SPOCK1: variants seen among roughly 807,000 people sequenced by gnomAD.
SPOCK1 encodes the protein testican-1.
In SPOCK1, 23 loss-of-function variants were observed where a neutral mutation model predicts 55.3. The observed-to-expected ratio is 0.42, with a 90% confidence interval of 0.30 to 0.59. The LOEUF is 0.59. Ranked by LOEUF, SPOCK1 falls within the 20% of genes least tolerant of loss-of-function variation. SPOCK1 has a pLI of 0.22. For synonymous variants in SPOCK1, 226 were observed against 221.0 expected, an observed-to-expected ratio of 1.02 and a Z score of -0.20; for missense variants, 499 against 552.5, an observed-to-expected ratio of 0.90 and a Z score of 0.97.
chr5:137,150,171 A>G lies in SPOCK1; in HGVS notation c.233-9477T>C, dbSNP rs143540718. ...CCAATCTCAAAATGGTAAACTCTAT[A>G]AGAAGAAACATTAAAGCTTTTCAAC... On this transcript the variant is annotated intron_variant, in intron 3 of 10. Coordinates refer to ENST00000394945, the MANE Select transcript of SPOCK1 (RefSeq NM_004598.4). Among the ~76,000 whole-genome samples the G allele has an allele frequency of 7.2e-5, 11 of 152,290 alleles. No individual in the cohort carries two copies. The East Asian group carries it at 1.9e-3, about 27-fold the overall frequency.
intron 2 of SPOCK1, among the ~76,000 whole-genome samples, chr5:137,418,980 A>T (rs2149824796): frequency 6.6e-6 from 1 of 152,280 alleles, no homozygotes. Flanking sequence ...TTTTTGTATA[A>T]GGTGTAAGGA....
At chr5:137,171,439 G>A (rs1384699276) in intron 3 of SPOCK1, among the ~76,000 whole-genome samples, 4 of 152,062 alleles carry the variant, frequency 2.6e-5, no homozygotes, top group East Asian at 1.9e-4. Flanking sequence ...ACTGAGAAGC[G>A]ACCTTCTTGA....
chr5:137,373,517 C>A (rs1431635626), intron 2 of SPOCK1, among the ~76,000 whole-genome samples: 1 of 152,226 alleles, frequency 6.6e-6, no homozygotes. Flanking sequence ...CCTGCAGAAT[C>A]CTGGTGAAGG....
intron 2 of SPOCK1, among the ~76,000 whole-genome samples, chr5:137,311,952 T>C (rs1053085221): frequency 5.9e-5 from 9 of 152,228 alleles, no homozygotes; most frequent in Non-Finnish European, 1.3e-4. Context: ...CCTAATTTAC[T>C]TAGCTCGCCT....
At chr5:137,383,174 A>C (rs1328017144) in intron 2 of SPOCK1, among the ~76,000 whole-genome samples, 2 of 152,146 alleles carry the variant, frequency 1.3e-5, no homozygotes, top group African/African-American at 4.8e-5. Flanking sequence ...TTTCCTACCT[A>C]TAAAATGGAG....
chr5:137,150,796 G>A (rs1010691271), intron 3 of SPOCK1, among the ~76,000 whole-genome samples: 2 of 152,078 alleles, frequency 1.3e-5, no homozygotes, highest in Admixed American at 6.6e-5. Context: ...AAGTCTGTAG[G>A]GAAAGCCTAC....
intron 4 of SPOCK1, among the ~76,000 whole-genome samples, chr5:137,117,824 C>G (rs1043811212): frequency 2.0e-5 from 3 of 152,150 alleles, no homozygotes; most frequent in African/African-American, 4.8e-5. Context: ...TTCCCATACT[C>G]TAGAAGTCAG....
At chr5:137,281,572 T>C (rs779933409) in intron 2 of SPOCK1, among the ~76,000 whole-genome samples, 3 of 152,246 alleles carry the variant, frequency 2.0e-5, no homozygotes, top group Admixed American at 6.5e-5. Context: ...CACCAACACA[T>C]AGCCCATGGC....
intron 2 of SPOCK1, among the ~76,000 whole-genome samples, chr5:137,365,673 C>T (rs919983135): frequency 1.3e-5 from 2 of 152,112 alleles, no homozygotes; most frequent in African/African-American, 4.8e-5. Flanking sequence ...TTAATCATTC[C>T]ACTCTCGTAA....
chr5:137,189,347 G>A (rs913063700), intron 3 of SPOCK1, among the ~76,000 whole-genome samples: 1 of 152,184 alleles, frequency 6.6e-6, no homozygotes, highest in Non-Finnish European at 1.5e-5. Context: ...CTCTCATTAG[G>A]AGCCAATGCA....
chr5:137,247,287 C>A (rs949707793), intron 3 of SPOCK1, among the ~76,000 whole-genome samples: 2 of 152,042 alleles, frequency 1.3e-5, no homozygotes, highest in East Asian at 3.9e-4. Flanking sequence ...AGTTCTTGCA[C>A]CGAGAGCTGG....
At chr5:137,204,999 TAAG>T (rs1755494093) in intron 3 of SPOCK1, among the ~76,000 whole-genome samples, 1 of 152,218 alleles carries the variant, frequency 6.6e-6, no homozygotes, top group African/African-American at 2.4e-5. Flanking sequence ...GATTTTCTCC[TAAG>T]AAGTGATAAT....
chr5:137,399,545 T>C (rs1412793008), intron 2 of SPOCK1, among the ~76,000 whole-genome samples: 1 of 151,826 alleles, frequency 6.6e-6, no homozygotes, highest in Non-Finnish European at 1.5e-5. Context: ...CCTGTGACTT[T>C]GTCTCCATCA....
intron 2 of SPOCK1, among the ~76,000 whole-genome samples, chr5:137,362,903 G>T (rs1389981681): frequency 2.0e-5 from 3 of 152,136 alleles, no homozygotes; most frequent in Non-Finnish European, 2.9e-5. Flanking sequence ...CTCAAGTGGG[G>T]AAACTGAGAC....
At chr5:137,446,933 T>C (rs141862713) in intron 2 of SPOCK1, among the ~76,000 whole-genome samples, 345 of 152,346 alleles carry the variant, frequency 2.3e-3, no homozygotes, top group African/African-American at 7.9e-3. Context: ...GATTATTTCA[T>C]TTAGCTTTAT....
intron 3 of SPOCK1, among the ~76,000 whole-genome samples, chr5:137,250,260 G>T (rs1012923812): frequency 2.0e-4 from 30 of 152,024 alleles, no homozygotes; most frequent in East Asian, 1.9e-4. Context: ...GACCCCAAAG[G>T]CCAAAAATAT....
intron 5 of SPOCK1, among the ~76,000 whole-genome samples, chr5:137,075,249 C>G (rs1192908307): frequency 2.0e-5 from 3 of 152,154 alleles, no homozygotes; most frequent in Non-Finnish European, 2.9e-5. Context: ...ACTTGCTTTG[C>G]CCAGTGGTGC....
At chr5:137,347,152 T>C (rs1349277862) in intron 2 of SPOCK1, among the ~76,000 whole-genome samples, 1 of 152,150 alleles carries the variant, frequency 6.6e-6, no homozygotes, top group Non-Finnish European at 1.5e-5. Flanking sequence ...GCTGAAGTGA[T>C]TTTTCTTCAA....
chr5:137,212,955 G>A (rs1412081244), intron 3 of SPOCK1, among the ~76,000 whole-genome samples: 1 of 152,140 alleles, frequency 6.6e-6, no homozygotes, highest in East Asian at 1.9e-4. Context: ...GCTGACCAGG[G>A]GGCAGGTGCT....
Sources: allele counts gnomAD v4.1 joint callset (sites outside exome capture counted in the v4.1 genomes callset), GRCh38; gene constraint gnomAD v4.1.1; transcripts MANE v1.5; gene names NCBI Gene and HGNC (gene_info 2026-07-23, HGNC 2026-07-21).